Variants in PTK2B observed in about 807,000 individuals in gnomAD.
The protein encoded by PTK2B is protein tyrosine kinase 2 beta, also known as protein-tyrosine kinase 2-beta.
A neutral mutation model predicts 142.9 loss-of-function variants in PTK2B; 71 were observed. The observed-to-expected ratio is 0.50, with a 90% CI of 0.41 to 0.61. The LOEUF is 0.61. Ranked by LOEUF, PTK2B falls within the 20% of genes least tolerant of loss-of-function variation. The pLI, the probability that PTK2B is intolerant of heterozygous loss-of-function variation, is 0.00. For missense variants in PTK2B, 1,105 were observed against 1,320.4 expected, an observed-to-expected ratio of 0.84 and a Z score of 2.53; for synonymous variants, 519 against 503.4, an observed-to-expected ratio of 1.03 and a Z score of -0.42.
At chr8:27,403,883 T>C (rs183748495) in intron 2 of PTK2B, among the ~76,000 whole-genome samples, 12 of 151,926 alleles carry the variant, frequency 7.9e-5, no homozygotes, top group Non-Finnish European at 1.2e-4. Context: ...CCTTCTTTCT[T>C]CCTTTTCTTC....
chr8:27,338,081 T>C (rs899615440), intron 1 of PTK2B, among the ~76,000 whole-genome samples: 3 of 152,236 alleles, frequency 2.0e-5, no homozygotes, highest in Non-Finnish European at 2.9e-5. Context: ...AGTAGTATCT[T>C]ACTGTGGTTT....
At chr8:27,384,041 G>A (rs1308731949) in intron 1 of PTK2B, among the ~76,000 whole-genome samples, 1 of 151,198 alleles carries the variant, frequency 6.6e-6, no homozygotes, top group Non-Finnish European at 1.5e-5. Context: ...GTAGAGACAG[G>A]GTTTCTCCAT....
At chr8:27,398,257 G>C (rs866509680) in intron 2 of PTK2B, among the ~76,000 whole-genome samples, 6 of 152,246 alleles carry the variant, frequency 3.9e-5, no homozygotes, top group Non-Finnish European at 7.3e-5. Flanking sequence ...TGACAATGAA[G>C]TAGAGGTGCT....
intron 2 of PTK2B, among the ~76,000 whole-genome samples, chr8:27,417,321 A>G (rs1809460296): frequency 6.6e-6 from 1 of 152,234 alleles, no homozygotes; most frequent in African/African-American, 2.4e-5. Context: ...CTGAGTGAAA[A>G]AAGACACCAA....
rs1810411481 is a variant in PTK2B, at chr8:27,431,386, C to T, written c.811-12C>T. ...AGCTCTGGAACAACAGTCCACTCTC[C>T]TTTTATTCCAGCAAGGATGGAACAT... On this transcript the variant is annotated splice_polypyrimidine_tract_variant and intron_variant, in intron 8 of 30. Coordinates refer to ENST00000346049, the MANE Select transcript of PTK2B (RefSeq NM_173176.3). The T allele has an allele frequency of 1.9e-6, 3 of 1,614,196 alleles. No individual in the cohort carries two copies. Among genetic ancestry groups the T allele is most frequent in the Middle Eastern group, 1.7e-4 (1 of 6,060 alleles).
chr8:27,451,345 C>A, intron 26 of PTK2B, 140 bp from the exon 27 acceptor site: 1 of 1,390,800 alleles, frequency 7.2e-7, no homozygotes, highest in Non-Finnish European at 9.7e-7. Flanking sequence ...GGGTCACGAG[C>A]TGCTCCCAGA....
intron 5 of PTK2B, among the ~76,000 whole-genome samples, chr8:27,424,408 T>C (rs953105327): frequency 3.3e-5 from 5 of 152,218 alleles, no homozygotes; most frequent in African/African-American, 4.8e-5. Flanking sequence ...ACTGCTGATA[T>C]CTGCTATAAC....
At position 27,430,419 on chromosome 8, in the gene PTK2B, G is replaced by T; in HGVS notation, c.669+1G>T. 2 of 1,614,154 alleles carry T rather than the reference G, an allele frequency of 1.2e-6. No individual in the cohort carries two copies. The highest frequency in any genetic ancestry group is 1.7e-6 in the Non-Finnish European group (2 of 1,180,018). On this transcript the variant is annotated splice_donor_variant, in intron 7 of 30. Coordinates refer to ENST00000346049, the MANE Select transcript of PTK2B (RefSeq NM_173176.3). LOFTEE classifies it high-confidence loss of function. ...AAAGCAGATGCAGGAGAACTTAAAGGTGAGGAAACCAATGGGCGAGGACCT... is the reference window on the plus strand; with the variant it reads ...AAAGCAGATGCAGGAGAACTTAAAGTTGAGGAAACCAATGGGCGAGGACCT...
chr8:27,394,703 T>C (rs1255047826), intron 1 of PTK2B, among the ~76,000 whole-genome samples: 2 of 152,270 alleles, frequency 1.3e-5, no homozygotes, highest in East Asian at 3.8e-4. Context: ...ATAAACTTTT[T>C]TTAAAGCTTG....
chr8:27,340,659 G>C (rs1024657564), intron 1 of PTK2B, among the ~76,000 whole-genome samples: 1 of 152,258 alleles, frequency 6.6e-6, no homozygotes, highest in East Asian at 1.9e-4. Context: ...GGCCACAGGA[G>C]CTCTTGCACC....
intron 15 of PTK2B, 105 bp downstream of exon 15, chr8:27,436,453 G>C: frequency 9.7e-7 from 1 of 1,035,302 alleles, no homozygotes; most frequent in Non-Finnish European, 1.5e-6. Context: ...CATCCACTTG[G>C]GGCCCCTTGT....
intron 30 of PTK2B, among the ~76,000 whole-genome samples, chr8:27,456,798 A>T (rs1044500797): frequency 6.6e-6 from 1 of 152,246 alleles, no homozygotes; most frequent in Non-Finnish European, 1.5e-5. Flanking sequence ...AAACAGCCTT[A>T]TTGCTGATAT....
Position 27,376,070 on chromosome 8 carries a change from A to G in PTK2B, c.-37-21478A>G, listed in dbSNP as rs138269992. 7.5e-3 allele frequency among the ~76,000 whole-genome samples: 1,140 copies of G among 152,364 alleles called. 8 individuals carry two copies. Among genetic ancestry groups the G allele is most frequent in the Non-Finnish European group, 0.013 (880 of 68,038 alleles). ...GACCAGAGCTCAGAGTGGACGAAGC[A>G]TCAGACAGGAGCCCCAGGTGTGGGC... On this transcript the variant is annotated intron_variant, in intron 1 of 30. Transcript: ENST00000346049.
intron 1 of PTK2B, among the ~76,000 whole-genome samples, chr8:27,346,696 G>C (rs1563206801): frequency 6.6e-6 from 1 of 152,196 alleles, no homozygotes; most frequent in Non-Finnish European, 1.5e-5. Flanking sequence ...GGGAAAAGTG[G>C]GGCAGACCAC....
Position 27,434,121 on chromosome 8 carries a change from G to T in PTK2B, c.1134G>T (p.Gln378His). Residue 378 changes from glutamine to histidine, a missense_variant, in exon 12 of 31, where the codon CAG becomes CAT. Gln to His is a conservative substitution (Grantham distance 24, BLOSUM62 0). Transcript: ENST00000346049. ...GTGAGAAGCGGAACAGCCTGCCCCA[G>T]ATCCCCATGCTGTGAGTACAATGGG... ...KDGEKRNSLP[Q>H]IPMLNLEARR... 6.2e-7 allele frequency: 1 copy of T among 1,614,120 alleles called. No individual in the cohort carries two copies. The highest frequency in any genetic ancestry group is 8.5e-7 in the Non-Finnish European group (1 of 1,179,994).
At chr8:27,456,318 T>G (rs1812137168) in intron 30 of PTK2B, among the ~76,000 whole-genome samples, 1 of 152,222 alleles carries the variant, frequency 6.6e-6, no homozygotes. Context: ...TGTGTCTCTG[T>G]CACATTTTGG....
chr8:27,454,476 C>G (rs1345061080), intron 29 of PTK2B, 55 bp from the exon 30 acceptor site: 2 of 1,591,404 alleles, frequency 1.3e-6, no homozygotes, highest in East Asian at 4.5e-5. Flanking sequence ...CAGGGGAAAC[C>G]TGGCTCTCTC....
chr8:27,437,245 A>T, intron 16 of PTK2B, 39 bp downstream of exon 16: 1 of 1,585,374 alleles, frequency 6.3e-7, no homozygotes, highest in Non-Finnish European at 8.7e-7. Flanking sequence ...CCAAGATGGG[A>T]GGGGCTTCAG....
At chr8:27,330,260 C>A (rs1175198293) in intron 1 of PTK2B, among the ~76,000 whole-genome samples, 1 of 152,224 alleles carries the variant, frequency 6.6e-6, no homozygotes, top group East Asian at 1.9e-4. Flanking sequence ...TAAGTATGAG[C>A]TCTCTGGTAT....
Sources: allele counts gnomAD v4.1 joint callset (sites outside exome capture counted in the v4.1 genomes callset), GRCh38; gene constraint gnomAD v4.1.1; transcripts MANE v1.5; gene names NCBI Gene and HGNC (gene_info 2026-07-23, HGNC 2026-07-21).